Variants in MBNL1 observed in about 807,000 individuals in gnomAD.
The protein encoded by MBNL1 is muscleblind like splicing regulator 1.
Under a neutral mutation model 42.2 loss-of-function variants are expected in MBNL1, and 8 were observed. That is an observed-to-expected ratio of 0.19 (90% CI 0.11 to 0.34). The LOEUF (loss-of-function observed/expected upper bound fraction) is 0.34, where lower values mean the gene tolerates loss of function less well. MBNL1 is among the 10% of genes least tolerant of loss of function. The pLI is 1.00. For missense variants in MBNL1, 309 were observed against 495.3 expected (o/e 0.62, Z 3.57); for synonymous variants, 169 against 173.9 (o/e 0.97, Z 0.22).
intron 6 of MBNL1, among the ~76,000 whole-genome samples, chr3:152,454,924 T>A (rs1730634258): frequency 6.6e-6 from 1 of 152,220 alleles, no homozygotes; most frequent in African/African-American, 2.4e-5. Context: ...TTTTTATGTA[T>A]AATTTATTGC....
At chr3:152,461,745 A>T (rs866874524) in intron 9 of MBNL1, among the ~76,000 whole-genome samples, 3 of 152,222 alleles carry the variant, frequency 2.0e-5, no homozygotes, top group Admixed American at 6.5e-5. Context: ...AACAAATTTC[A>T]TGTAAAAACT....
chr3:152,313,369 T>A (rs1338804343), intron 2 of MBNL1, among the ~76,000 whole-genome samples: 1 of 152,172 alleles, frequency 6.6e-6, no homozygotes, highest in Non-Finnish European at 1.5e-5. Flanking sequence ...GTTAAGAGCC[T>A]AAACCGTGGA....
At chr3:152,295,282 A>G (rs1212882353) in intron 1 of MBNL1, among the ~76,000 whole-genome samples, 1 of 152,158 alleles carries the variant, frequency 6.6e-6, no homozygotes, top group African/African-American at 2.4e-5. Context: ...TATATTTTGT[A>G]CTTGAGGGAT....
chr3:152,251,476 C>T (rs772945625), intron 2 of MBNL1, among the ~76,000 whole-genome samples: 34 of 152,024 alleles, frequency 2.2e-4, no homozygotes, highest in Middle Eastern at 3.2e-3. Context: ...ATAGTCACTA[C>T]GTTGTACAAT....
At chr3:152,273,481 A>G (rs1027457750) in intron 1 of MBNL1, among the ~76,000 whole-genome samples, 1 of 152,192 alleles carries the variant, frequency 6.6e-6, no homozygotes, top group African/African-American at 2.4e-5. Context: ...GCATCTCATC[A>G]TATGTGCCTG....
chr3:152,288,358 A>C (rs927086759), intron 1 of MBNL1, among the ~76,000 whole-genome samples: 7 of 152,226 alleles, frequency 4.6e-5, no homozygotes, highest in Non-Finnish European at 1.0e-4. Flanking sequence ...CTCCTGACTC[A>C]GGAATGACTG....
chr3:152,340,562 C>T lies in MBNL1; in HGVS notation c.174+40195C>T, dbSNP rs143116281. On this transcript the variant is annotated intron_variant, in intron 2 of 9. Transcript: ENST00000324210. ...ATGAGTCCAAGCTGAGACATAGCTA[C>T]AACTGACAGGATCTGTTCACCATAC... The T allele has an allele frequency of 3.1e-5, 50 of 1,613,162 alleles. No individual in the cohort carries two copies. In the East Asian group the frequency reaches 1.1e-3, roughly 35 times the overall value.
At chr3:152,312,411 A>G (rs1164538432) in intron 2 of MBNL1, among the ~76,000 whole-genome samples, 2 of 152,180 alleles carry the variant, frequency 1.3e-5, no homozygotes, top group South Asian at 2.1e-4. Flanking sequence ...GGTTGTACGA[A>G]TTTAGTCAGA....
At chr3:152,290,156 A>G (rs2055031561) in intron 1 of MBNL1, among the ~76,000 whole-genome samples, 1 of 152,190 alleles carries the variant, frequency 6.6e-6, no homozygotes, top group East Asian at 1.9e-4. Flanking sequence ...GGAAATTCAA[A>G]TTCTATTTGT....
At chr3:152,302,815 C>G (rs1336923611) in intron 2 of MBNL1, among the ~76,000 whole-genome samples, 1 of 151,966 alleles carries the variant, frequency 6.6e-6, no homozygotes, top group African/African-American at 2.4e-5. Flanking sequence ...CATAGTCCAG[C>G]CTTTTCTGAG....
In MBNL1 at chr3:152,354,526, T is replaced by G. The variant is rs2095363085; in HGVS notation, c.174+54159T>G. ...TGAAAGAACTACAAAAGATTTTTAC[T>G]GCTTAATTCTGTATTTGGGGTCTCT... On this transcript the variant is annotated intron_variant, in intron 2 of 9. Coordinates refer to ENST00000324210, the MANE Select transcript of MBNL1 (RefSeq NM_021038.5). Among the ~76,000 whole-genome samples, 2 of 152,212 alleles carry G rather than the reference T, an allele frequency of 1.3e-5. 1 individual carries two copies. Among genetic ancestry groups the G allele is most frequent in the South Asian group, 4.1e-4 (2 of 4,834 alleles).
At chr3:152,269,303 C>T (rs1220294802) in intron 1 of MBNL1, 1 of 350,962 alleles carries the variant, frequency 2.8e-6, no homozygotes, top group Non-Finnish European at 5.6e-6. Context: ...GCTCCTGCGC[C>T]CTTCCCTGCC....
chr3:152,338,701 G>A (rs1401912613), intron 2 of MBNL1: 108 of 984,756 alleles, frequency 1.1e-4, no homozygotes, highest in Non-Finnish European at 1.2e-4. Flanking sequence ...CTAGGAAGCC[G>A]TTCTAGAAGC....
At chr3:152,259,965 AGTTG>A (rs778348662) in intron 2 of MBNL1, among the ~76,000 whole-genome samples, 6 of 152,188 alleles carry the variant, frequency 3.9e-5, no homozygotes, top group African/African-American at 1.4e-4. Flanking sequence ...TTATTTACTT[AGTTG>A]ATCATAATTA....
At chr3:152,381,144 T>C (rs2097163682) in intron 2 of MBNL1, among the ~76,000 whole-genome samples, 1 of 152,092 alleles carries the variant, frequency 6.6e-6, no homozygotes, top group Admixed American at 6.6e-5. Context: ...ATTTCATTTA[T>C]ATAAAAGGCA....
At chr3:152,244,871 G>A (rs1457693138) in intron 2 of MBNL1, among the ~76,000 whole-genome samples, 1 of 151,592 alleles carries the variant, frequency 6.6e-6, no homozygotes, top group Non-Finnish European at 1.5e-5. Flanking sequence ...AGAAAAAAAA[G>A]CATTCTTACA....
chr3:152,384,799 G>C (rs1387573908), intron 2 of MBNL1, among the ~76,000 whole-genome samples: 2 of 152,084 alleles, frequency 1.3e-5, no homozygotes, highest in Non-Finnish European at 2.9e-5. Context: ...GCTTTGAAAT[G>C]TTCACTTTTA....
At chr3:152,367,474 T>C (rs571521694) in intron 2 of MBNL1, among the ~76,000 whole-genome samples, 16 of 152,334 alleles carry the variant, frequency 1.1e-4, no homozygotes, top group African/African-American at 3.4e-4. Flanking sequence ...TAGGGAATAG[T>C]GCTGCAATAA....
intron 1 of MBNL1, among the ~76,000 whole-genome samples, chr3:152,295,031 A>G (rs997582274): frequency 2.6e-5 from 4 of 152,350 alleles, no homozygotes; most frequent in Admixed American, 1.3e-4. Context: ...AGGCACATAC[A>G]TTATCAGGTC....
Sources: gnomAD v4.1 joint callset for allele counts (sites outside exome capture counted in the v4.1 genomes callset) on GRCh38, gnomAD v4.1.1 for gene constraint, MANE v1.5 for transcripts, NCBI Gene and HGNC (gene_info 2026-07-23, HGNC 2026-07-21) for gene names.